Variants in SGCZ observed in about 807,000 individuals in gnomAD.
SGCZ encodes the protein sarcoglycan zeta, also known as zeta-sarcoglycan.
SGCZ carries 40 observed loss-of-function variants against 41.3 expected under a neutral mutation model. The observed-to-expected ratio is 0.97, with a 90% CI of 0.75 to 1.26. The LOEUF is 1.26. SGCZ is among the 50% of genes most tolerant of loss of function. The pLI is 0.00. For missense variants in SGCZ, 552 were observed against 369.8 expected (o/e 1.49, Z -4.04); for synonymous variants, 206 against 137.5 (o/e 1.50, Z -3.49).
intron 1 of SGCZ, among the ~76,000 whole-genome samples, chr8:14,572,791 A>T (rs1804594526): frequency 6.6e-6 from 1 of 150,902 alleles, no homozygotes; most frequent in African/African-American, 2.4e-5. Context: ...AAGCTCCAAA[A>T]ATTTAACACA....
intron 4 of SGCZ, among the ~76,000 whole-genome samples, chr8:14,186,690 G>A (rs1313294112): frequency 1.3e-5 from 2 of 152,120 alleles, no homozygotes; most frequent in South Asian, 2.1e-4. Flanking sequence ...GTAAAACAGG[G>A]GGTTCTGAAG....
chr8:14,471,142 G>C (rs1259733333), intron 2 of SGCZ, among the ~76,000 whole-genome samples: 1 of 151,792 alleles, frequency 6.6e-6, no homozygotes, highest in Non-Finnish European at 1.5e-5. Flanking sequence ...TTATAACTTG[G>C]GCTTTCTTCC....
At chr8:14,769,719 T>TG (rs1303282031) in intron 1 of SGCZ, among the ~76,000 whole-genome samples, 2 of 143,810 alleles carry the variant, frequency 1.4e-5, no homozygotes, top group Non-Finnish European at 1.5e-5. Context: ...CACTTAAACC[T>TG]GGGAGGCAGA....
intron 1 of SGCZ, among the ~76,000 whole-genome samples, chr8:14,622,155 A>T (rs1806307590): frequency 6.6e-6 from 1 of 152,134 alleles, no homozygotes; most frequent in Admixed American, 6.6e-5. Context: ...AGAAGCTAGG[A>T]AAGGTAACTT....
chr8:14,708,900 G>T (rs1809417666), intron 1 of SGCZ, among the ~76,000 whole-genome samples: 2 of 151,072 alleles, frequency 1.3e-5, no homozygotes, highest in African/African-American at 4.9e-5. Flanking sequence ...CTTGCTACTT[G>T]GGACCTTAAA....
intron 5 of SGCZ, among the ~76,000 whole-genome samples, chr8:14,109,616 T>C (rs1802314471): frequency 6.6e-6 from 1 of 152,100 alleles, no homozygotes; most frequent in Non-Finnish European, 1.5e-5. Flanking sequence ...AAAAATCATG[T>C]AAAATATATT....
At chr8:15,016,969 G>T (rs1803062785) in intron 1 of SGCZ, among the ~76,000 whole-genome samples, 1 of 152,062 alleles carries the variant, frequency 6.6e-6, no homozygotes, top group Admixed American at 6.6e-5. Context: ...CTCCAAGTAG[G>T]ACAGCAAGCC....
chr8:15,094,366 C>A (rs1215734907), intron 1 of SGCZ, among the ~76,000 whole-genome samples: 2 of 152,210 alleles, frequency 1.3e-5, no homozygotes, highest in African/African-American at 4.8e-5. Flanking sequence ...GACTCCTGAC[C>A]TCACGTGATC....
chr8:14,829,558 A>G (rs1177051524), intron 1 of SGCZ, among the ~76,000 whole-genome samples: 2 of 152,354 alleles, frequency 1.3e-5, no homozygotes, highest in East Asian at 3.9e-4. Context: ...CCTTTGAACA[A>G]GAAATTAAGG....
At position 14,621,583 on chromosome 8, in the gene SGCZ, C is replaced by T. The variant is rs13257952; in HGVS notation, c.40-66657G>A. Among the ~76,000 whole-genome samples the T allele has an allele frequency of 3.9e-5, 6 of 151,996 alleles. No homozygotes were observed. In the South Asian group the frequency reaches 6.2e-4, roughly 16 times the overall value. ...TGCTTAACAAGAAGCATGACCGGAA[C>T]GCCTCAAGAAAATTACAATCATGGC... On this transcript the variant is annotated intron_variant, in intron 1 of 7. Transcript: ENST00000382080.
At chr8:14,784,913 A>AAAAATATAT (rs1408574493) in intron 1 of SGCZ, among the ~76,000 whole-genome samples, 14 of 88,020 alleles carry the variant, frequency 1.6e-4, no homozygotes, top group African/African-American at 6.1e-4. Flanking sequence ...AAAAAAAAAA[A>AAAAATATAT]ATATATATAT....
chr8:14,857,213 C>A (rs551620960), intron 1 of SGCZ, among the ~76,000 whole-genome samples: 2 of 152,292 alleles, frequency 1.3e-5, no homozygotes, highest in East Asian at 1.9e-4. Flanking sequence ...TTTCCTGAGG[C>A]CTGCTCAGAA....
At chr8:14,728,523 T>C (rs60182964) in intron 1 of SGCZ, among the ~76,000 whole-genome samples, 10,431 of 152,040 alleles carry the variant, frequency 0.069, 785 homozygotes, top group African/African-American at 0.19. Context: ...GAATTATGAA[T>C]AGTAAAATAA....
At chr8:14,953,880 G>C (rs571613177) in intron 1 of SGCZ, among the ~76,000 whole-genome samples, 1 of 152,080 alleles carries the variant, frequency 6.6e-6, no homozygotes, top group Non-Finnish European at 1.5e-5. Context: ...GTCTCTACTT[G>C]CCTAAAATAT....
At chr8:14,835,439 C>A (rs939279053) in intron 1 of SGCZ, among the ~76,000 whole-genome samples, 1 of 152,180 alleles carries the variant, frequency 6.6e-6, no homozygotes, top group Non-Finnish European at 1.5e-5. Flanking sequence ...CGACAGTTCT[C>A]TCCTTTCACT....
chr8:14,319,887 T>C lies in SGCZ; in HGVS notation c.336+4216A>G, dbSNP rs1034630584. Among the ~76,000 whole-genome samples the C allele has an allele frequency of 3.9e-5, 6 of 152,086 alleles. 1 individual carries two copies. In the South Asian group the frequency reaches 1.2e-3, roughly 31 times the overall value. ...GGAGCTAATGCATTCAGCTTCTTAATGGTATTTATAATCTTTTATTCTTAA... is the reference window on the plus strand; with the variant it reads ...GGAGCTAATGCATTCAGCTTCTTAACGGTATTTATAATCTTTTATTCTTAA... On this transcript the variant is annotated intron_variant, in intron 3 of 7. Coordinates refer to ENST00000382080, the MANE Select transcript of SGCZ (RefSeq NM_139167.4).
At chr8:14,483,693 G>T (rs1801595748) in intron 2 of SGCZ, among the ~76,000 whole-genome samples, 1 of 152,182 alleles carries the variant, frequency 6.6e-6, no homozygotes, top group Non-Finnish European at 1.5e-5. Context: ...GATCACATTT[G>T]ATCCTGAACT....
At chr8:14,667,877 G>C (rs1388529755) in intron 1 of SGCZ, among the ~76,000 whole-genome samples, 1 of 152,078 alleles carries the variant, frequency 6.6e-6, no homozygotes. Context: ...CTATACATGA[G>C]GACCTCAGCT....
chr8:14,963,338 CTT>C (rs34842580), intron 1 of SGCZ, among the ~76,000 whole-genome samples: 77 of 145,544 alleles, frequency 5.3e-4, no homozygotes, highest in Non-Finnish European at 4.5e-4. Context: ...TCTTTTTCTT[CTT>C]TTTTTTTTTT....
Sources: allele counts gnomAD v4.1 joint callset (sites outside exome capture counted in the v4.1 genomes callset), GRCh38; gene constraint gnomAD v4.1.1; transcripts MANE v1.5; gene names NCBI Gene and HGNC (gene_info 2026-07-23, HGNC 2026-07-21).